Variants in GLCCI1 observed in about 807,000 individuals in gnomAD.
The protein encoded by GLCCI1 is glucocorticoid induced 1.
A neutral mutation model predicts 52.2 loss-of-function variants in GLCCI1; 24 were observed. The ratio of observed to expected loss-of-function variants is 0.46; its 90% CI spans 0.33 to 0.65. The LOEUF is 0.65. Among genes scored for constraint, GLCCI1 ranks in the 30% least tolerant of loss-of-function variants. GLCCI1 has a pLI of 0.02. For synonymous variants in GLCCI1, 310 were observed against 276.5 expected, an observed-to-expected ratio of 1.12 and a Z score of -1.20; for missense variants, 704 against 701.5, an observed-to-expected ratio of 1.00 and a Z score of -0.04.
At chr7:8,082,239 T>C (rs1438221324) in intron 6 of GLCCI1, among the ~76,000 whole-genome samples, 1 of 152,220 alleles carries the variant, frequency 6.6e-6, no homozygotes, top group African/African-American at 2.4e-5. Flanking sequence ...TCATATGGGT[T>C]GTTTTTAAAG....
intron 3 of GLCCI1, among the ~76,000 whole-genome samples, chr7:8,037,540 C>T (rs937845853): frequency 1.3e-5 from 2 of 152,114 alleles, no homozygotes; most frequent in African/African-American, 4.8e-5. Flanking sequence ...CAAAACCTCA[C>T]ATACCAATAT....
At chr7:8,037,310 G>T (rs1370940439) in intron 3 of GLCCI1, among the ~76,000 whole-genome samples, 1 of 152,196 alleles carries the variant, frequency 6.6e-6, no homozygotes, top group Non-Finnish European at 1.5e-5. Flanking sequence ...CTCGGTAAGT[G>T]AAGGGGAAAT....
chr7:8,063,615 CTTTTT>C (rs917291629), intron 5 of GLCCI1, among the ~76,000 whole-genome samples: 12 of 113,670 alleles, frequency 1.1e-4, no homozygotes, highest in Non-Finnish European at 2.2e-4. Flanking sequence ...ACTTTTCTTC[CTTTTT>C]TTTTTTTTTT....
At chr7:7,979,562 C>T (rs1320776416) in intron 1 of GLCCI1, among the ~76,000 whole-genome samples, 1 of 152,186 alleles carries the variant, frequency 6.6e-6, no homozygotes, top group East Asian at 1.9e-4. Flanking sequence ...AACATACTTA[C>T]ATCTAACGTA....
chr7:7,973,164 TA>T (rs1411467846), intron 1 of GLCCI1, among the ~76,000 whole-genome samples: 1 of 152,158 alleles, frequency 6.6e-6, no homozygotes, highest in Non-Finnish European at 1.5e-5. Flanking sequence ...TGCAAATAGT[TA>T]TTTTTTTGTA....
intron 2 of GLCCI1, among the ~76,000 whole-genome samples, chr7:8,017,380 C>T (rs1463977529): frequency 1.3e-5 from 2 of 152,114 alleles, no homozygotes; most frequent in Non-Finnish European, 1.5e-5. Flanking sequence ...GTGCAGATTC[C>T]GTATCTTATT....
In GLCCI1 at chr7:7,969,307, C is replaced by A. The variant is rs373104808; in HGVS notation, c.-44C>A. On this transcript the variant is annotated 5_prime_UTR_variant, in exon 1 of 8. Coordinates refer to ENST00000223145, the MANE Select transcript of GLCCI1 (RefSeq NM_138426.4). This position sits in a 1 kb window ranked among gnomAD's most constrained non-coding sequence, Gnocchi z 4.9. ...ACACGCTCGCGCGCCTCCCGCCCCGCGCCTCCGTGTCGGCCGGCGGCGTCC... is the reference window on the plus strand; with the variant it reads ...ACACGCTCGCGCGCCTCCCGCCCCGAGCCTCCGTGTCGGCCGGCGGCGTCC... 9 of 1,389,004 alleles carry A rather than the reference C, an allele frequency of 6.5e-6. No individual in the cohort carries two copies. The highest frequency in any genetic ancestry group is 6.6e-6 in the Non-Finnish European group (7 of 1,064,322). The allele number at this position is 1,389,004 out of a possible 1,614,324, so 86.0% of individuals were successfully genotyped here.
At chr7:8,053,383 G>C (rs185658970) in intron 3 of GLCCI1, among the ~76,000 whole-genome samples, 1 of 149,222 alleles carries the variant, frequency 6.7e-6, no homozygotes, top group African/African-American at 2.5e-5. Flanking sequence ...GAGTGCAGTG[G>C]TGGGATCTTG....
At chr7:7,999,113 A>G (rs1275589756) in intron 1 of GLCCI1, among the ~76,000 whole-genome samples, 1 of 152,058 alleles carries the variant, frequency 6.6e-6, no homozygotes, top group East Asian at 1.9e-4. Flanking sequence ...CATAGTTCTG[A>G]CAGAGTAGTT....
At chr7:8,030,318 G>A (rs965447342) in intron 3 of GLCCI1, among the ~76,000 whole-genome samples, 1 of 152,116 alleles carries the variant, frequency 6.6e-6, no homozygotes, top group Non-Finnish European at 1.5e-5. Flanking sequence ...CATGGTGCTG[G>A]GGAAACTGGA....
intron 2 of GLCCI1, among the ~76,000 whole-genome samples, chr7:8,004,986 GCTT>G (rs1781118878): frequency 1.3e-5 from 2 of 152,258 alleles, no homozygotes; most frequent in South Asian, 2.1e-4. Context: ...TGTGAAATTG[GCTT>G]CTTCTTTATC....
intron 2 of GLCCI1, among the ~76,000 whole-genome samples, chr7:8,010,398 C>A (rs1265633502): frequency 6.6e-6 from 1 of 152,080 alleles, no homozygotes; most frequent in Non-Finnish European, 1.5e-5. Flanking sequence ...AGAAAAAAGT[C>A]ACTTGCCTAA....
intron 2 of GLCCI1, among the ~76,000 whole-genome samples, chr7:8,021,433 A>T (rs1781484009): frequency 2.0e-5 from 3 of 152,038 alleles, no homozygotes; most frequent in African/African-American, 7.2e-5. Flanking sequence ...TTTTTTTGAG[A>T]CAGAGTTTCA....
intron 3 of GLCCI1, among the ~76,000 whole-genome samples, chr7:8,032,601 A>G (rs1042254646): frequency 7.9e-5 from 12 of 152,032 alleles, no homozygotes; most frequent in African/African-American, 2.7e-4. Context: ...TTATGAAACA[A>G]TATTATGAAC....
intron 5 of GLCCI1, among the ~76,000 whole-genome samples, chr7:8,069,720 C>T (rs1782712054): frequency 6.6e-6 from 1 of 152,302 alleles, no homozygotes; most frequent in East Asian, 1.9e-4. Context: ...TGCATAGTTT[C>T]AGATTTCGGC....
At chr7:8,026,940 A>G (rs1781635392) in intron 3 of GLCCI1, among the ~76,000 whole-genome samples, 1 of 152,228 alleles carries the variant, frequency 6.6e-6, no homozygotes, top group South Asian at 2.1e-4. Flanking sequence ...TAACTCTACA[A>G]ATCTGAAAAA....
intron 1 of GLCCI1, among the ~76,000 whole-genome samples, chr7:7,989,439 G>A (rs1245341231): frequency 2.0e-5 from 3 of 152,090 alleles, no homozygotes; most frequent in African/African-American, 7.2e-5. Flanking sequence ...TTATATAAAT[G>A]AGGAAAATAG....
Position 8,006,082 on chromosome 7 carries a change from G to A in GLCCI1, c.609+2023G>A, listed in dbSNP as rs111697551. Among the ~76,000 whole-genome samples the A allele has an allele frequency of 1.9e-3, 295 of 152,220 alleles. 2 individuals are homozygous for A. Among genetic ancestry groups the A allele is most frequent in the African/African-American group, 5.9e-3 (246 of 41,538 alleles). ...CAAAGTGCTGAGATTACAGGCATGC[G>A]CCACCACTCCTGGCCCAGAAATATT... is the stretch of plus-strand genomic sequence containing the variant. On this transcript the variant is annotated intron_variant, in intron 2 of 7. Transcript: ENST00000223145.
At chr7:8,014,189 C>T (rs1254544779) in intron 2 of GLCCI1, among the ~76,000 whole-genome samples, 1 of 152,076 alleles carries the variant, frequency 6.6e-6, no homozygotes, top group Non-Finnish European at 1.5e-5. Flanking sequence ...CGGGGTTTCA[C>T]CATGTTGGTC....
Sources: gnomAD v4.1 joint callset for allele counts (sites outside exome capture counted in the v4.1 genomes callset) on GRCh38, gnomAD v4.1.1 for gene constraint, Gnocchi (gnomAD v3.1) non-coding constraint, MANE v1.5 for transcripts, NCBI Gene and HGNC (gene_info 2026-07-23, HGNC 2026-07-21) for gene names.